The following WDFY3 variants were observed in gnomAD, a reference collection of about 807,000 sequenced individuals.
WDFY3 encodes WD repeat and FYVE domain-containing protein 3.
WDFY3 carries 66 observed loss-of-function variants against 409.6 expected under a neutral mutation model. That is an observed-to-expected ratio of 0.16 (90% CI 0.13 to 0.20). The LOEUF is 0.20. WDFY3 is among the 10% of genes least tolerant of loss of function. The probability of loss-of-function intolerance (pLI) is 1.00; values close to 1 mark genes in which losing one functional copy is unlikely to be tolerated. For synonymous variants in WDFY3, 1,521 were observed against 1,537.1 expected (o/e 0.99, Z 0.25); for missense variants, 3,031 against 4,298.1 (o/e 0.71, Z 8.24).
Position 84,850,045 on chromosome 4 carries a change from T to G in WDFY3, c.181-20A>C, listed in dbSNP as rs7691572. 1 of 1,560,204 alleles carries G rather than the reference T, an allele frequency of 6.4e-7. No individual in the cohort carries two copies. Among genetic ancestry groups the G allele is most frequent in the Non-Finnish European group, 8.7e-7 (1 of 1,156,056 alleles). ...AAAAACCTGTAGATAAGAAAAGACA[T>G]TGTTAATGAAGCACTGACAAATTTT... On this transcript the variant is annotated intron_variant, in intron 4 of 67. Transcript: ENST00000295888.
At chr4:84,682,649 G>C in intron 63 of WDFY3, 179 bp from the exon 64 acceptor site, 1 of 598,544 alleles carries the variant, frequency 1.7e-6, no homozygotes, top group Non-Finnish European at 3.0e-6. Flanking sequence ...CACAATGGCT[G>C]TTTCAAAGTA....
At chr4:84,681,973 T>A (rs1327542734) in intron 64 of WDFY3, among the ~76,000 whole-genome samples, 1 of 152,240 alleles carries the variant, frequency 6.6e-6, no homozygotes, top group East Asian at 1.9e-4. Context: ...AACACAATTG[T>A]ATCTGTTGTC....
intron 2 of WDFY3, among the ~76,000 whole-genome samples, chr4:84,918,813 G>GTA (rs1420310164): frequency 5.3e-5 from 7 of 132,434 alleles, no homozygotes; most frequent in African/African-American, 2.0e-4. Flanking sequence ...TTGTGTGTGT[G>GTA]TGTATATATA....
intron 2 of WDFY3, among the ~76,000 whole-genome samples, chr4:84,908,629 G>A (rs995840745): frequency 6.6e-6 from 1 of 152,160 alleles, no homozygotes; most frequent in African/African-American, 2.4e-5. Context: ...CAACTGACAA[G>A]CCCAACTCTT....
At chr4:84,746,882 C>T (rs567296089) in intron 36 of WDFY3, among the ~76,000 whole-genome samples, 12 of 152,214 alleles carry the variant, frequency 7.9e-5, no homozygotes, top group African/African-American at 2.9e-4. Flanking sequence ...TTGGTCAAGT[C>T]ACAACTAGGA....
chr4:84,948,086 G>A lies in WDFY3; in HGVS notation c.-225-15723C>T, dbSNP rs183187496. ...AAAATGCTACTATAACTTTTTATAG[G>A]AAGTAAATGAAAGGTGTGGAGGTTC... On this transcript the variant is annotated intron_variant, in intron 1 of 67. Transcript: ENST00000295888. Among the ~76,000 whole-genome samples, 634 of 152,138 alleles carry A rather than the reference G, an allele frequency of 4.2e-3. 3 individuals are homozygous for A. The highest frequency in any genetic ancestry group is 6.4e-3 in the Non-Finnish European group (435 of 68,004).
At chr4:84,796,248 A>AG (rs1749420534) in intron 19 of WDFY3, among the ~76,000 whole-genome samples, 1 of 151,948 alleles carries the variant, frequency 6.6e-6, no homozygotes, top group Non-Finnish European at 1.5e-5. Context: ...ACAAAAAAAA[A>AG]AAAAATTTGC....
intron 24 of WDFY3, among the ~76,000 whole-genome samples, chr4:84,784,809 G>C (rs190604632): frequency 1.0e-3 from 152 of 145,542 alleles, no homozygotes; most frequent in Non-Finnish European, 1.8e-3. Context: ...TTGCACTCTA[G>C]CCTAGGCGAC....
At chr4:84,935,653 G>T (rs1000391918) in intron 1 of WDFY3, among the ~76,000 whole-genome samples, 10 of 152,118 alleles carry the variant, frequency 6.6e-5, no homozygotes, top group African/African-American at 2.4e-4. Flanking sequence ...GTTGAGATAA[G>T]GGAGCAGAAG....
intron 2 of WDFY3, among the ~76,000 whole-genome samples, chr4:84,901,938 T>G (rs570031663): frequency 6.6e-6 from 1 of 152,152 alleles, no homozygotes; most frequent in Non-Finnish European, 1.5e-5. Flanking sequence ...CTGTCAAATA[T>G]GACATACTGC....
intron 23 of WDFY3, among the ~76,000 whole-genome samples, chr4:84,786,637 G>A (rs1239248211): frequency 6.6e-6 from 1 of 152,156 alleles, no homozygotes; most frequent in Non-Finnish European, 1.5e-5. Context: ...TCACTTAAAA[G>A]CTGTGCGACC....
chr4:84,718,704 T>C lies in WDFY3; in HGVS notation c.7606-134A>G, dbSNP rs941342330. On this transcript the variant is annotated intron_variant, in intron 47 of 67. Transcript: ENST00000295888. ...GCATATTGAGAAGATTAAGCTTAGA[T>C]TACAGTCTGATTTACATCTGACTAG... 4 of 1,096,574 alleles carry C rather than the reference T, an allele frequency of 3.6e-6. No homozygotes were observed. The African/African-American group carries it at 6.3e-5, about 17-fold the overall frequency. 67.9% of individuals were successfully genotyped at this position (1,096,574 alleles called of 1,614,324 possible).
intron 53 of WDFY3, among the ~76,000 whole-genome samples, chr4:84,708,651 C>G (rs1194073929): frequency 6.6e-6 from 1 of 151,958 alleles, no homozygotes; most frequent in South Asian, 2.1e-4. Context: ...AGTAATCCTC[C>G]CACCTCAGCC....
At position 84,735,094 on chromosome 4, in the gene WDFY3, G is replaced by T; in HGVS notation, c.6942C>A (p.His2314Gln). ...CTACTAAGTCACGAACAACAGCAAT[G>T]TGAGTAAACATCCACTGCGAAATCT... ...TQEISQWMFT[H>Q]IAVVRDLVDT... is the part of the protein sequence containing the mutation. Residue 2314 changes from histidine to glutamine, a missense_variant, in exon 43 of 68, where the codon CAC becomes CAA. Coordinates refer to ENST00000295888, the MANE Select transcript of WDFY3 (RefSeq NM_014991.6). The T allele has an allele frequency of 1.9e-6, 3 of 1,613,200 alleles. No individual in the cohort carries two copies. Among genetic ancestry groups the T allele is most frequent in the Non-Finnish European group, 2.5e-6 (3 of 1,179,836 alleles).
intron 2 of WDFY3, among the ~76,000 whole-genome samples, chr4:84,904,181 C>T (rs901857488): frequency 9.9e-5 from 15 of 152,134 alleles, no homozygotes; most frequent in Admixed American, 3.3e-4. Context: ...TCTGCTGGTG[C>T]GTTGATCTTG....
At chr4:84,810,430 A>C (rs1484479656) in intron 13 of WDFY3, 86 bp from the exon 14 acceptor site, 8 of 1,120,540 alleles carry the variant, frequency 7.1e-6, no homozygotes, top group African/African-American at 1.6e-5. Flanking sequence ...TGGAGGTTGT[A>C]CATTCTGTGA....
At chr4:84,904,818 G>A (rs1006950776) in intron 2 of WDFY3, among the ~76,000 whole-genome samples, 9 of 152,262 alleles carry the variant, frequency 5.9e-5, no homozygotes, top group Admixed American at 1.3e-4. Flanking sequence ...GCCACTTGAC[G>A]TCTCCATTTG....
chr4:84,797,396 A>C (rs893173391), intron 18 of WDFY3, among the ~76,000 whole-genome samples: 5 of 152,114 alleles, frequency 3.3e-5, no homozygotes, highest in Admixed American at 2.0e-4. Context: ...AATGTAATGA[A>C]GAAAATATTC....
intron 38 of WDFY3, among the ~76,000 whole-genome samples, chr4:84,741,214 A>G (rs908773429): frequency 6.6e-6 from 1 of 152,152 alleles, no homozygotes; most frequent in Non-Finnish European, 1.5e-5. Flanking sequence ...ATTTAAATCT[A>G]TCTGGGTAGC....
Sources: gnomAD v4.1 joint callset for allele counts (sites outside exome capture counted in the v4.1 genomes callset) on GRCh38, gnomAD v4.1.1 for gene constraint, MANE v1.5 for transcripts, NCBI Gene and HGNC (gene_info 2026-07-23, HGNC 2026-07-21) for gene names.